Variants in CARNS1 observed in about 807,000 individuals in gnomAD.
CARNS1 encodes the protein carnosine synthase 1.
Under a neutral mutation model 74.0 loss-of-function variants are expected in CARNS1, and 61 were observed. The observed-to-expected ratio is 0.82, with a 90% CI of 0.67 to 1.02. The LOEUF is 1.02. CARNS1 is among the 50% of genes least tolerant of loss of function. The pLI, the probability that CARNS1 is intolerant of heterozygous loss-of-function variation, is 0.00. For synonymous variants in CARNS1, 568 were observed against 605.5 expected (o/e 0.94, Z 0.91); for missense variants, 1,278 against 1,308.4 (o/e 0.98, Z 0.36).
chr11:67,423,910 C>A lies in CARNS1; in HGVS notation c.2162C>A (p.Ala721Asp). ...GGCATTGGGCTGGGCTGGGGCAATG[C>A]CATGCTGCTGATGGAGTTTGTGGAG... is the stretch of plus-strand genomic sequence containing the variant. ...HPGIGLGWGN[A>D]MLLMEFVEGT... The change falls in exon 10 of 10, where the codon GCC (alanine) becomes GAC (aspartate). Residue 721 changes from alanine (A) to aspartate (D), a missense_variant. Physicochemically the swap from Ala to Asp is moderately radical, Grantham distance 126 (BLOSUM62 -2). Coordinates refer to ENST00000687366, the MANE Select transcript of CARNS1 (RefSeq NM_001166222.2). This position sits in a 1 kb window ranked among gnomAD's most constrained non-coding sequence, Gnocchi z 5.1. 6.2e-7 allele frequency: 1 copy of A among 1,613,616 alleles called. No homozygotes were observed. Among genetic ancestry groups the A allele is most frequent in the Non-Finnish European group, 8.5e-7 (1 of 1,179,864 alleles).
rs909215455 is a variant in CARNS1, at chr11:67,425,135, G to A, written c.*534G>A. On this transcript the variant is annotated 3_prime_UTR_variant, in exon 10 of 10. Coordinates refer to ENST00000687366, the MANE Select transcript of CARNS1 (RefSeq NM_001166222.2). ...CCAACCTGCCTCATTCGGCCTGACC[G>A]GTAGAGGCAGGTGGCCTGTGGACAG... 32 of 453,558 alleles carry A rather than the reference G, an allele frequency of 7.1e-5. 1 individual carries two copies. The highest frequency in any genetic ancestry group is 4.7e-4 in the South Asian group (30 of 64,300). 28.1% of individuals were successfully genotyped at this position (453,558 alleles called of 1,614,324 possible). A position where few individuals can be genotyped will look rare whatever the true frequency, so the allele number is the denominator to read the frequency against.
intron 2 of CARNS1, chr11:67,416,730 C>G (rs1215592918): frequency 1.0e-6 from 1 of 986,230 alleles, no homozygotes; most frequent in African/African-American, 1.7e-5. Context: ...TCACACGAAG[C>G]CTCCCAGCAG....
chr11:67,424,304 C>A lies in CARNS1; in HGVS notation c.2556C>A (p.Arg852=). 6.2e-7 allele frequency: 1 copy of A among 1,611,818 alleles called. No homozygotes were observed. The highest frequency in any genetic ancestry group is 1.3e-5 in the African/African-American group (1 of 75,024). The change falls in exon 10 of 10, where the codon CGC becomes CGA. Residue 852 remains arginine (R), a synonymous_variant. Coordinates refer to ENST00000687366, the MANE Select transcript of CARNS1 (RefSeq NM_001166222.2). ...GCTTGCGTCCTGCCCTGCCCACCCGCCCACGTGCTCGTGGCCATCTGGTGG... is the reference window on the plus strand; with the variant it reads ...GCTTGCGTCCTGCCCTGCCCACCCGACCACGTGCTCGTGGCCATCTGGTGG... ...ACGLRPALPT[R]PRARGHLVGV... is the part of the protein sequence containing the mutation.
At chr11:67,422,501 A>G (rs981373275) in intron 9 of CARNS1, among the ~76,000 whole-genome samples, 14 of 152,024 alleles carry the variant, frequency 9.2e-5, no homozygotes, top group Non-Finnish European at 1.3e-4. Context: ...AATTTTAAAA[A>G]TTTTTAGTAG....
chr11:67,416,427 C>T (rs1863546002), intron 2 of CARNS1: 2 of 1,390,380 alleles, frequency 1.4e-6, no homozygotes, highest in African/African-American at 1.5e-5. Context: ...TCAGGGAGCT[C>T]ACCTTCTAGG....
chr11:67,421,034 G>C lies in CARNS1; in HGVS notation c.1441G>C (p.Glu481Gln), dbSNP rs1458655964. ...GTGTCTGGAGGCGTGCGGCGCGCTG[G>C]AGGGGCTGTGGGCCGCGCCGCGGCT... The part of the protein sequence containing the change: ...GLCLEACGAL[E>Q]GLWAAPRLGP... The change falls in exon 9 of 10, where the codon GAG (glutamate) becomes CAG (glutamine). Residue 481 changes from glutamate to glutamine, a missense_variant. Coordinates refer to ENST00000687366, the MANE Select transcript of CARNS1 (RefSeq NM_001166222.2). 3 of 1,361,704 alleles carry C rather than the reference G, an allele frequency of 2.2e-6. No individual in the cohort carries two copies. The East Asian group carries it at 9.4e-5, about 43-fold the overall frequency. The allele number at this position is 1,361,704 out of a possible 1,614,324, so 84.4% of individuals were successfully genotyped here.
chr11:67,424,539 C>T lies in CARNS1; in HGVS notation c.2791C>T (p.Gln931Ter), dbSNP rs763493330. The part of the protein sequence containing the change: ...EARLRLLGLC[Q>*]GLGIDGPSYP... The stretch of plus-strand genomic sequence containing the variant: ...CCGTCTCCGCCTGCTGGGCCTCTGC[C>T]AGGGCCTGGGCATCGATGGGCCCAG... Residue 931 changes from glutamine (Q) to a stop codon, truncating the protein, a stop_gained, in exon 10 of 10, where the codon CAG becomes TAG. Transcript: ENST00000687366. LOFTEE classifies it high-confidence loss of function. The T allele has an allele frequency of 1.9e-6, 3 of 1,602,974 alleles. No homozygotes were observed. The highest frequency in any genetic ancestry group is 8.5e-7 in the Non-Finnish European group (1 of 1,176,336).
At position 67,423,820 on chromosome 11, in the gene CARNS1, C is replaced by T. The variant is rs558376931; in HGVS notation, c.2072C>T (p.Ala691Val). ...GAVGVRLVED[A>V]PQCHEHFSRI... Reference sequence around the variant, plus strand: ...GTGGGTGTCCGGCTGGTAGAGGATGCGCCACAGTGCCATGAGCACTTTTCC... The same window carrying T: ...GTGGGTGTCCGGCTGGTAGAGGATGTGCCACAGTGCCATGAGCACTTTTCC... Residue 691 changes from alanine (A) to valine (V), a missense_variant, in exon 10 of 10, where the codon GCG (alanine) becomes GTG (valine). Transcript: ENST00000687366. The surrounding 1 kb of genome is among the most constrained non-coding windows in gnomAD (Gnocchi z 5.1). 81 of 1,608,760 alleles carry T rather than the reference C, an allele frequency of 5.0e-5. No individual in the cohort carries two copies. Among genetic ancestry groups the T allele is most frequent in the Middle Eastern group, 1.6e-4 (1 of 6,078 alleles).
intron 9 of CARNS1, among the ~76,000 whole-genome samples, chr11:67,421,874 C>T (rs1863714821): frequency 6.6e-6 from 1 of 151,896 alleles, no homozygotes; most frequent in Admixed American, 6.6e-5. Context: ...ACTACAGGCA[C>T]GTGCCACCAT....
chr11:67,423,295 G>C lies in CARNS1; in HGVS notation c.1627-80G>C. 7.0e-7 allele frequency: 1 copy of C among 1,435,644 alleles called. No homozygotes were observed. The highest frequency in any genetic ancestry group is 9.5e-7 in the Non-Finnish European group (1 of 1,057,102). 88.9% of individuals were successfully genotyped at this position (1,435,644 alleles called of 1,614,324 possible). On this transcript the variant is annotated intron_variant, in intron 9 of 9. Transcript: ENST00000687366. This position sits in a 1 kb window ranked among gnomAD's most constrained non-coding sequence, Gnocchi z 5.1. ...TTTGTGTACTCGTATCCCCTGAAGG[G>C]GCCATCCTAGGCCCCATCCTATCCC...
chr11:67,419,579 G>C lies in CARNS1; in HGVS notation c.945G>C (p.Val315=). The C allele has an allele frequency of 6.2e-7, 1 of 1,605,998 alleles. No homozygotes were observed. The highest frequency in any genetic ancestry group is 8.5e-7 in the Non-Finnish European group (1 of 1,177,974). The change falls in exon 6 of 10, where the codon GTG becomes GTC. Residue 315 remains valine, a synonymous_variant. Coordinates refer to ENST00000687366, the MANE Select transcript of CARNS1 (RefSeq NM_001166222.2). ...RAELGAVVDT[V]LALLEKLEEE... The stretch of plus-strand genomic sequence containing the variant: ...AGCTGGGTGCAGTGGTGGACACAGT[G>C]CTGGCGCTGCTGGAGAAGCTGGAGG...
At position 67,418,897 on chromosome 11, in the gene CARNS1, C is replaced by T. The variant is rs753638848; in HGVS notation, c.506C>T (p.Pro169Leu). 37 of 1,595,654 alleles carry T rather than the reference C, an allele frequency of 2.3e-5. No individual in the cohort carries two copies. The highest frequency in any genetic ancestry group is 3.5e-5 in the Admixed American group (2 of 57,762). The change falls in exon 5 of 10, where the codon CCG becomes CTG. Residue 169 changes from proline (P) to leucine (L), a missense_variant. Physicochemically the swap from Pro to Leu is moderately conservative, Grantham distance 98. Transcript: ENST00000687366. ...GLTFLDDFVP[P>L]RRATYFLAGL... ...ACATTCCTGGATGACTTTGTCCCCCCGCGCCGTGCCACCTACTTTTTGGCA... is the reference window on the plus strand; with the variant it reads ...ACATTCCTGGATGACTTTGTCCCCCTGCGCCGTGCCACCTACTTTTTGGCA...
chr11:67,417,050 G>A, intron 2 of CARNS1: 1 of 1,043,610 alleles, frequency 9.6e-7, no homozygotes, highest in Non-Finnish European at 1.2e-6. Context: ...TGTGTGCCAG[G>A]CACGCTTTAG....
In CARNS1 at chr11:67,424,974, C is replaced by A. The variant is rs1565140164; in HGVS notation, c.*373C>A. On this transcript the variant is annotated 3_prime_UTR_variant, in exon 10 of 10. Coordinates refer to ENST00000687366, the MANE Select transcript of CARNS1 (RefSeq NM_001166222.2). ...CTCTCCAGGTCTCACTCTCTTCCTG[C>A]CATCTACAAGAGGAGAGGACCTGGC... 3.9e-6 allele frequency: 2 copies of A among 510,546 alleles called. No individual in the cohort carries two copies. Among genetic ancestry groups the A allele is most frequent in the Non-Finnish European group, 7.6e-6 (2 of 263,390 alleles). 31.6% of individuals were successfully genotyped at this position (510,546 alleles called of 1,614,324 possible). A position where few individuals can be genotyped will look rare whatever the true frequency, so the allele number is the denominator to read the frequency against.
chr11:67,421,003 C>T lies in CARNS1; in HGVS notation c.1410C>T (p.Gly470=). Residue 470 remains glycine, a synonymous_variant, in exon 9 of 10, where the codon GGC becomes GGT. Transcript: ENST00000687366. ...CCCCAGTGGCCCTGGAGCTGAACGG[C>T]GGCCTGTGTCTGGAGGCGTGCGGCG... ...VLTPVALELN[G]GLCLEACGAL... is the part of the protein sequence containing the mutation. 2 of 1,417,262 alleles carry T rather than the reference C, an allele frequency of 1.4e-6. No homozygotes were observed. Among genetic ancestry groups the T allele is most frequent in the Non-Finnish European group, 1.8e-6 (2 of 1,089,090 alleles). The allele number at this position is 1,417,262 out of a possible 1,614,324, so 87.8% of individuals were successfully genotyped here.
chr11:67,420,979 C>A lies in CARNS1; in HGVS notation c.1386C>A (p.Thr462=), dbSNP rs964916415. 2 of 1,429,316 alleles carry A rather than the reference C, an allele frequency of 1.4e-6. No individual in the cohort carries two copies. Among genetic ancestry groups the A allele is most frequent in the Non-Finnish European group, 1.8e-6 (2 of 1,094,522 alleles). The allele number at this position is 1,429,316 out of a possible 1,614,324, so 88.5% of individuals were successfully genotyped here. Residue 462 remains threonine, a synonymous_variant, in exon 9 of 10, where the codon ACC becomes ACA. Transcript: ENST00000687366. ...FALTAAGGVL[T]PVALELNGGL... is the part of the protein sequence containing the mutation. ...TGACAGCGGCCGGCGGCGTGCTGAC[C>A]CCAGTGGCCCTGGAGCTGAACGGCG...
chr11:67,425,051 G>A lies in CARNS1; in HGVS notation c.*450G>A. 1 of 464,282 alleles carries A rather than the reference G, an allele frequency of 2.2e-6. No individual in the cohort carries two copies. Among genetic ancestry groups the A allele is most frequent in the Non-Finnish European group, 4.3e-6 (1 of 232,692 alleles). The allele number at this position is 464,282 out of a possible 1,614,324, so 28.8% of individuals were successfully genotyped here. ...GGGAAAACCTGAGACTAGAACCCTT[G>A]TCTTCCTCTTACCCAAATTCTAGGA... On this transcript the variant is annotated 3_prime_UTR_variant, in exon 10 of 10. Transcript: ENST00000687366.
At position 67,424,512 on chromosome 11, in the gene CARNS1, G is replaced by A; in HGVS notation, c.2764G>A (p.Ala922Thr). The change falls in exon 10 of 10, where the codon GCC (alanine) becomes ACC (threonine). Residue 922 changes from alanine (A) to threonine (T), a missense_variant. Around this residue, in one of 3 missense-constraint regions of CARNS1, gnomAD observed 1,164 missense variants for 1,156.5 expected, o/e 1.01. Transcript: ENST00000687366. ...VACAGPSPTEARLRLLGLCQG... is the reference protein window; with the variant it reads ...VACAGPSPTETRLRLLGLCQG... ...CTGTGCCGGACCCAGCCCCACCGAG[G>A]CCCGTCTCCGCCTGCTGGGCCTCTG... The A allele has an allele frequency of 6.3e-7, 1 of 1,592,326 alleles. No individual in the cohort carries two copies.
In CARNS1 at chr11:67,424,263, G is replaced by A. The variant is rs1863778553; in HGVS notation, c.2515G>A (p.Val839Ile). 6.2e-7 allele frequency: 1 copy of A among 1,613,502 alleles called. No homozygotes were observed. Residue 839 changes from valine to isoleucine, a missense_variant, in exon 10 of 10, where the codon GTT becomes ATT. Coordinates refer to ENST00000687366, the MANE Select transcript of CARNS1 (RefSeq NM_001166222.2). ...LYGVDLLLAAVMVACGLRPAL... is the reference protein window; with the variant it reads ...LYGVDLLLAAIMVACGLRPAL... ...TGGTGTTGACCTGCTGCTGGCTGCT[G>A]TTATGGTGGCCTGTGGCTTGCGTCC...
Sources: allele counts gnomAD v4.1 joint callset (sites outside exome capture counted in the v4.1 genomes callset), GRCh38; gene constraint gnomAD v4.1.1; regional missense constraint gnomAD v4.1.1; non-coding constraint Gnocchi (gnomAD v3.1); transcripts MANE v1.5; gene names NCBI Gene and HGNC (gene_info 2026-07-23, HGNC 2026-07-21).